ARMC9: variants seen among roughly 807,000 people sequenced by gnomAD.
ARMC9 encodes the protein lisH domain-containing protein ARMC9.
Under a neutral mutation model 107.0 loss-of-function variants are expected in ARMC9, and 94 were observed. The ratio of observed to expected loss-of-function variants is 0.88; its 90% CI spans 0.74 to 1.04. The LOEUF (loss-of-function observed/expected upper bound fraction) is 1.04. Ranked by LOEUF, ARMC9 falls within the 50% of genes least tolerant of loss-of-function variation. The probability of loss-of-function intolerance (pLI) is 0.00; values close to 1 mark genes in which losing one functional copy is unlikely to be tolerated. For missense variants in ARMC9, 942 were observed against 1,030.1 expected, an observed-to-expected ratio of 0.91 and a Z score of 1.17; for synonymous variants, 380 against 396.9, an observed-to-expected ratio of 0.96 and a Z score of 0.51.
intron 23 of ARMC9, among the ~76,000 whole-genome samples, chr2:231,366,868 T>C (rs2045838906): frequency 6.6e-6 from 1 of 150,962 alleles, no homozygotes; most frequent in African/African-American, 2.4e-5. Flanking sequence ...TTTTTTTTTT[T>C]GAGACGGAGT....
chr2:231,371,206 C>A, intron 24 of ARMC9: 1 of 599,222 alleles, frequency 1.7e-6, no homozygotes, highest in Non-Finnish European at 3.1e-6. Flanking sequence ...CCTGGCCCCA[C>A]ATCTAGCAGC....
intron 8 of ARMC9, 65 bp from the exon 9 acceptor site, chr2:231,239,878 C>G: frequency 7.3e-7 from 1 of 1,367,916 alleles, no homozygotes. Context: ...CAATTGCCAG[C>G]GTGCCTCAGG....
chr2:231,235,674 C>T (rs2035643019), intron 8 of ARMC9, among the ~76,000 whole-genome samples: 1 of 152,152 alleles, frequency 6.6e-6, no homozygotes, highest in South Asian at 2.1e-4. Flanking sequence ...TGGAGTTTTG[C>T]TCTTGTTGCC....
chr2:231,351,428 A>G (rs1439364295), intron 21 of ARMC9, among the ~76,000 whole-genome samples: 4 of 152,116 alleles, frequency 2.6e-5, no homozygotes, highest in African/African-American at 9.7e-5. Flanking sequence ...CGTTTAAACC[A>G]GTGGTGTTGA....
chr2:231,229,085 T>A (rs189212417), intron 7 of ARMC9, among the ~76,000 whole-genome samples: 18 of 151,856 alleles, frequency 1.2e-4, no homozygotes, highest in Admixed American at 5.9e-4. Flanking sequence ...TTTAACTGAG[T>A]TTTCTGGAAG....
In ARMC9 at chr2:231,273,079, G is replaced by A; in HGVS notation, c.1334+1G>A. ...GGGCCCTGCAGAAGTTCAGTCTCAG[G>A]TAACGACTGTGCAATAGGTCACGGT... On this transcript the variant is annotated splice_donor_variant, in intron 14 of 24. Coordinates refer to ENST00000611582, the MANE Select transcript of ARMC9 (RefSeq NM_001352754.2). LOFTEE classifies it high-confidence loss of function. 2 of 1,612,598 alleles carry A rather than the reference G, an allele frequency of 1.2e-6. No individual in the cohort carries two copies. Among genetic ancestry groups the A allele is most frequent in the Admixed American group, 1.7e-5 (1 of 59,912 alleles).
chr2:231,275,083 C>T (rs373188306), intron 14 of ARMC9, among the ~76,000 whole-genome samples: 1 of 152,238 alleles, frequency 6.6e-6, no homozygotes, highest in Non-Finnish European at 1.5e-5. Flanking sequence ...TTATCTTTTC[C>T]TCTAAGTGTT....
At chr2:231,217,885 G>T (rs1446581224) in intron 5 of ARMC9, among the ~76,000 whole-genome samples, 1 of 152,074 alleles carries the variant, frequency 6.6e-6, no homozygotes, top group Non-Finnish European at 1.5e-5. Context: ...TAGAGATGGG[G>T]TTTCACCATG....
chr2:231,232,304 G>A (rs145690504), intron 7 of ARMC9, among the ~76,000 whole-genome samples: 1 of 152,050 alleles, frequency 6.6e-6, no homozygotes, highest in African/African-American at 2.4e-5. Flanking sequence ...GATTACAGGA[G>A]TGAGCCACTG....
At chr2:231,264,753 TC>T (rs1267474605) in intron 12 of ARMC9, among the ~76,000 whole-genome samples, 11 of 152,020 alleles carry the variant, frequency 7.2e-5, no homozygotes, top group Admixed American at 7.2e-4. Flanking sequence ...CGCCTCAGCC[TC>T]CCGAAGTGCT....
chr2:231,308,668 G>A (rs1027600640), intron 19 of ARMC9, among the ~76,000 whole-genome samples: 5 of 152,188 alleles, frequency 3.3e-5, no homozygotes, highest in Admixed American at 2.0e-4. Context: ...TGGCTAGAAC[G>A]GAAAATGATA....
chr2:231,339,814 C>A (rs1429514654), intron 20 of ARMC9, among the ~76,000 whole-genome samples: 1 of 152,214 alleles, frequency 6.6e-6, no homozygotes, highest in Non-Finnish European at 1.5e-5. Flanking sequence ...TGCCTGTAAT[C>A]CCAGCTACTT....
At chr2:231,272,556 A>G (rs930541338) in intron 13 of ARMC9, among the ~76,000 whole-genome samples, 6 of 151,116 alleles carry the variant, frequency 4.0e-5, no homozygotes, top group African/African-American at 1.5e-4. Flanking sequence ...TCGCTCCGTC[A>G]TTCAGGCTAG....
At chr2:231,225,407 A>G (rs891587171) in intron 6 of ARMC9, among the ~76,000 whole-genome samples, 2 of 152,234 alleles carry the variant, frequency 1.3e-5, no homozygotes, top group African/African-American at 2.4e-5. Context: ...CAACCTGTAC[A>G]CAAATGTTCA....
In ARMC9 at chr2:231,214,913, G is replaced by A. The variant is rs563490038; in HGVS notation, c.260G>A (p.Arg87Gln). The change falls in exon 4 of 25, where the codon CGA becomes CAA. Residue 87 changes from arginine to glutamine, a missense_variant. Physicochemically the swap from Arg to Gln is conservative, Grantham distance 43. Transcript: ENST00000611582. ...GAGGAGCACATTTCAAGTTCCATCCGAGATGGGGACTCCTTTGCCCAGAAG... is the reference window on the plus strand; with the variant it reads ...GAGGAGCACATTTCAAGTTCCATCCAAGATGGGGACTCCTTTGCCCAGAAG... ...LWEEHISSSI[R>Q]DGDSFAQKLE... is the part of the protein sequence containing the mutation. 7.4e-5 allele frequency: 120 copies of A among 1,614,164 alleles called. No homozygotes were observed. The South Asian group carries it at 1.1e-3, about 15-fold the overall frequency.
chr2:231,272,853 A>T, intron 13 of ARMC9, 102 bp from the exon 14 acceptor site: 1 of 1,407,334 alleles, frequency 7.1e-7, no homozygotes, highest in Non-Finnish European at 9.7e-7. Flanking sequence ...CCCAAACTCT[A>T]CTGTGTTATA....
chr2:231,370,943 C>A, intron 24 of ARMC9: 1 of 396,132 alleles, frequency 2.5e-6, no homozygotes. Flanking sequence ...CCTGGCCAGG[C>A]CCTGGGCGCT....
At chr2:231,321,241 G>A (rs1304366112) in intron 19 of ARMC9, among the ~76,000 whole-genome samples, 4 of 152,340 alleles carry the variant, frequency 2.6e-5, no homozygotes, top group East Asian at 1.9e-4. Context: ...GAGGCAAGCC[G>A]AAGTCTGCTG....
intron 23 of ARMC9, among the ~76,000 whole-genome samples, chr2:231,366,415 G>A (rs1363410238): frequency 1.3e-5 from 2 of 152,100 alleles, no homozygotes; most frequent in South Asian, 2.1e-4. Context: ...TAACCATTAC[G>A]GGCCAGGCAC....
Sources: gnomAD v4.1 joint callset for allele counts (sites outside exome capture counted in the v4.1 genomes callset) on GRCh38, gnomAD v4.1.1 for gene constraint, MANE v1.5 for transcripts, NCBI Gene and HGNC (gene_info 2026-07-23, HGNC 2026-07-21) for gene names.